Variants in ENOX1 observed in about 807,000 individuals in gnomAD.
ENOX1 encodes the protein ecto-NOX disulfide-thiol exchanger 1, also known as candidate growth-related and time keeping constitutive hydroquinone (NADH) oxidase.
Under a neutral mutation model 82.5 loss-of-function variants are expected in ENOX1, and 42 were observed. The observed-to-expected ratio is 0.51, with a 90% confidence interval of 0.40 to 0.66. The LOEUF is 0.66. Ranked by LOEUF, ENOX1 falls within the 30% of genes least tolerant of loss-of-function variation. The probability of loss-of-function intolerance (pLI) is 0.00; values close to 1 mark genes in which losing one functional copy is unlikely to be tolerated. For synonymous variants in ENOX1, 271 were observed against 282.2 expected, an observed-to-expected ratio of 0.96 and a Z score of 0.40; for missense variants, 608 against 811.6, an observed-to-expected ratio of 0.75 and a Z score of 3.05.
chr13:43,542,710 A>G (rs546663473), intron 2 of ENOX1, among the ~76,000 whole-genome samples: 1 of 152,320 alleles, frequency 6.6e-6, no homozygotes, highest in South Asian at 2.1e-4. Flanking sequence ...TGATGGGATT[A>G]CAGGCGTGAG....
intron 3 of ENOX1, among the ~76,000 whole-genome samples, chr13:43,436,140 T>C (rs1018112798): frequency 2.0e-5 from 3 of 152,234 alleles, no homozygotes; most frequent in Non-Finnish European, 2.9e-5. Flanking sequence ...ATAGTAGTTT[T>C]ATTCTCTAAA....
At chr13:43,241,667 C>A (rs1256923039) in intron 14 of ENOX1, among the ~76,000 whole-genome samples, 1 of 152,152 alleles carries the variant, frequency 6.6e-6, no homozygotes, top group Admixed American at 6.5e-5. Context: ...CCTTTTAACT[C>A]TAATTTCTGT....
chr13:43,389,816 A>G (rs1170848101), intron 5 of ENOX1, among the ~76,000 whole-genome samples: 1 of 152,184 alleles, frequency 6.6e-6, no homozygotes, highest in African/African-American at 2.4e-5. Flanking sequence ...CTCTTGATTT[A>G]GATATAGAAC....
chr13:43,355,984 G>T lies in ENOX1; in HGVS notation c.758C>A (p.Pro253Gln), dbSNP rs1017499821. 13 of 1,613,738 alleles carry T rather than the reference G, an allele frequency of 8.1e-6. No individual in the cohort carries two copies. The Admixed American group carries it at 1.5e-4, about 19-fold the overall frequency. Residue 253 changes from proline to glutamine, a missense_variant, in exon 8 of 17, where the codon CCA becomes CAA. Coordinates refer to ENST00000690772, the MANE Select transcript of ENOX1 (RefSeq NM_001347969.2). ...GTAGTGCATTATGGCAGGCGGGGAT[G>T]GGGGCCTGAGCCGGTCCTCCTCCAG... ...RKLEEDRLRP[P>Q]SPPAIMHYSE...
chr13:43,229,409 A>G (rs1300501254), intron 15 of ENOX1, among the ~76,000 whole-genome samples: 2 of 152,208 alleles, frequency 1.3e-5, no homozygotes, highest in African/African-American at 4.8e-5. Context: ...GGTACAGGCC[A>G]CATACAGTGC....
At chr13:43,780,317 CA>C (rs56908774) in intron 1 of ENOX1, among the ~76,000 whole-genome samples, 8,040 of 134,724 alleles carry the variant, frequency 0.06, 281 homozygotes, top group Middle Eastern at 0.089. Flanking sequence ...GTTCCCTGGA[CA>C]AAAAAAAAAA....
intron 2 of ENOX1, among the ~76,000 whole-genome samples, chr13:43,616,538 G>A (rs1341612380): frequency 6.6e-6 from 1 of 151,674 alleles, no homozygotes; most frequent in Non-Finnish European, 1.5e-5. Flanking sequence ...AATACACTGG[G>A]AAACATTTAG....
intron 1 of ENOX1, among the ~76,000 whole-genome samples, chr13:43,763,901 T>C (rs1226082683): frequency 6.6e-6 from 1 of 151,900 alleles, no homozygotes; most frequent in Non-Finnish European, 1.5e-5. Context: ...AGAAAAAGAG[T>C]TACATGTATT....
intron 14 of ENOX1, among the ~76,000 whole-genome samples, chr13:43,263,321 C>T (rs1306274858): frequency 6.6e-6 from 1 of 152,172 alleles, no homozygotes; most frequent in African/African-American, 2.4e-5. Flanking sequence ...TCACAAATAT[C>T]TCCCCCACCC....
At chr13:43,470,251 T>TATATATACAC (rs1218459806) in intron 3 of ENOX1, among the ~76,000 whole-genome samples, 3 of 44,094 alleles carry the variant, frequency 6.8e-5, no homozygotes, top group Non-Finnish European at 1.1e-4. Flanking sequence ...TATATATACA[T>TATATATACAC]ATATATATAC....
intron 1 of ENOX1, among the ~76,000 whole-genome samples, chr13:43,716,845 T>C (rs970710402): frequency 6.6e-6 from 1 of 151,434 alleles, no homozygotes; most frequent in Non-Finnish European, 1.5e-5. Flanking sequence ...CAAAGATCTC[T>C]GCAGAGAGAA....
intron 2 of ENOX1, among the ~76,000 whole-genome samples, chr13:43,595,875 G>A (rs908161094): frequency 3.3e-5 from 5 of 152,294 alleles, no homozygotes; most frequent in South Asian, 2.1e-4. Flanking sequence ...CCCAAGTCAT[G>A]TTACGAGAAA....
chr13:43,756,612 G>A (rs1379268094), intron 1 of ENOX1, among the ~76,000 whole-genome samples: 1 of 152,020 alleles, frequency 6.6e-6, no homozygotes, highest in Non-Finnish European at 1.5e-5. Context: ...ATGTGCATCC[G>A]TGTGTCTCAT....
At chr13:43,520,392 T>G (rs550905451) in intron 2 of ENOX1, among the ~76,000 whole-genome samples, 10 of 152,300 alleles carry the variant, frequency 6.6e-5, no homozygotes, top group Non-Finnish European at 1.5e-4. Flanking sequence ...ATTATCTTAC[T>G]AATAAATTCC....
At chr13:43,728,243 G>A (rs115210979) in intron 1 of ENOX1, among the ~76,000 whole-genome samples, 2,219 of 152,182 alleles carry the variant, frequency 0.015, 51 homozygotes, top group African/African-American at 0.049. Flanking sequence ...AACAGTCCTT[G>A]GAGTAAAAGA....
At chr13:43,710,305 A>G (rs2087603258) in intron 1 of ENOX1, among the ~76,000 whole-genome samples, 1 of 152,170 alleles carries the variant, frequency 6.6e-6, no homozygotes, top group Non-Finnish European at 1.5e-5. Context: ...ATGGTTTGAC[A>G]TTAGAAAACA....
At chr13:43,427,661 G>A (rs1054456940) in intron 3 of ENOX1, among the ~76,000 whole-genome samples, 2 of 152,128 alleles carry the variant, frequency 1.3e-5, no homozygotes, top group African/African-American at 4.8e-5. Context: ...TACCAAGAAC[G>A]TAATAGTGAA....
intron 12 of ENOX1, among the ~76,000 whole-genome samples, chr13:43,272,195 A>G (rs1024481193): frequency 1.3e-5 from 2 of 152,124 alleles, no homozygotes; most frequent in African/African-American, 4.8e-5. Context: ...TATCTAATCC[A>G]TGCTTCTGAT....
intron 16 of ENOX1, among the ~76,000 whole-genome samples, chr13:43,219,162 G>A (rs2041653810): frequency 6.6e-6 from 1 of 152,156 alleles, no homozygotes; most frequent in Non-Finnish European, 1.5e-5. Context: ...GGAGCCCTGG[G>A]TTCCTGGGAA....
Sources: gnomAD v4.1 joint callset for allele counts (sites outside exome capture counted in the v4.1 genomes callset) on GRCh38, gnomAD v4.1.1 for gene constraint, MANE v1.5 for transcripts, NCBI Gene and HGNC (gene_info 2026-07-23, HGNC 2026-07-21) for gene names.